BNC2: variants seen among roughly 807,000 people sequenced by gnomAD.
BNC2 encodes basonuclin zinc finger protein 2.
In BNC2, 20 loss-of-function variants were observed where a neutral mutation model predicts 76.3. That is an observed-to-expected ratio of 0.26 (90% CI 0.18 to 0.38). BNC2 has a LOEUF of 0.38. Ranked by LOEUF, BNC2 falls within the 10% of genes least tolerant of loss-of-function variation. The pLI is 1.00. For synonymous variants in BNC2, 582 were observed against 514.8 expected (o/e 1.13, Z -1.77); for missense variants, 1,382 against 1,399.8 (o/e 0.99, Z 0.20).
At chr9:16,580,934 G>A (rs1204596168) in intron 4 of BNC2, among the ~76,000 whole-genome samples, 2 of 152,144 alleles carry the variant, frequency 1.3e-5, no homozygotes, top group Admixed American at 1.3e-4. Flanking sequence ...AACATGTCAT[G>A]AGGTGACAGA....
intron 3 of BNC2, among the ~76,000 whole-genome samples, chr9:16,614,729 T>C (rs1424691504): frequency 6.6e-6 from 1 of 151,854 alleles, no homozygotes; most frequent in African/African-American, 2.4e-5. Flanking sequence ...GGAGGATCCC[T>C]TGAGCTCAGG....
At chr9:16,846,809 T>G (rs1340879254) in intron 1 of BNC2, among the ~76,000 whole-genome samples, 1 of 152,234 alleles carries the variant, frequency 6.6e-6, no homozygotes, top group African/African-American at 2.4e-5. Context: ...GCCACAATCT[T>G]TTGAAAACTT....
chr9:16,631,912 G>C (rs1042352166), intron 3 of BNC2, among the ~76,000 whole-genome samples: 1 of 152,154 alleles, frequency 6.6e-6, no homozygotes, highest in African/African-American at 2.4e-5. Context: ...AAGGACTAGG[G>C]AGAACAACAT....
chr9:16,762,513 G>C (rs1256300428), intron 1 of BNC2, among the ~76,000 whole-genome samples: 3 of 152,140 alleles, frequency 2.0e-5, no homozygotes, highest in Non-Finnish European at 2.9e-5. Context: ...TATCCAGAGA[G>C]GCACAATGAA....
At chr9:16,597,458 C>A (rs1563856186) in intron 3 of BNC2, among the ~76,000 whole-genome samples, 1 of 152,072 alleles carries the variant, frequency 6.6e-6, no homozygotes, top group Non-Finnish European at 1.5e-5. Context: ...ACAAACCCTG[C>A]AGGAATTTGC....
chr9:16,626,343 A>C (rs979842702), intron 3 of BNC2: 1 of 152,220 alleles, frequency 6.6e-6, no homozygotes, highest in African/African-American at 2.4e-5. Flanking sequence ...TTCATTAAAA[A>C]TATTAAATGC....
In BNC2 at chr9:16,726,234, T is replaced by C. The variant is rs767621150; in HGVS notation, c.330+1563A>G. Among the ~76,000 whole-genome samples, 88 of 152,276 alleles carry C rather than the reference T, an allele frequency of 5.8e-4. 1 individual carries two copies. The highest frequency in any genetic ancestry group is 8.7e-4 in the Non-Finnish European group (59 of 68,018). On this transcript the variant is annotated intron_variant, in intron 3 of 6. Transcript: ENST00000380672. ...ACTTTTCACTTGAAAGAATGGGAAA[T>C]TGCACATGAAGAGTTACTTATTGGG... is the stretch of plus-strand genomic sequence containing the variant.
intron 5 of BNC2, among the ~76,000 whole-genome samples, chr9:16,502,556 C>A (rs780220742): frequency 6.6e-5 from 10 of 151,944 alleles, no homozygotes; most frequent in African/African-American, 2.4e-4. Flanking sequence ...CTTTTTTCCC[C>A]CCCTCTTACT....
intron 3 of BNC2, among the ~76,000 whole-genome samples, chr9:16,598,552 A>G (rs1033394597): frequency 1.3e-5 from 2 of 152,178 alleles, no homozygotes; most frequent in Non-Finnish European, 1.5e-5. Flanking sequence ...GAATGAACTC[A>G]CCACTACGGG....
At chr9:16,448,679 G>A (rs746372924) in intron 5 of BNC2, among the ~76,000 whole-genome samples, 1 of 152,184 alleles carries the variant, frequency 6.6e-6, no homozygotes, top group Non-Finnish European at 1.5e-5. Flanking sequence ...ACTGAGGACT[G>A]AGTGTGTGAC....
chr9:16,437,618 C>A, intron 5 of BNC2, 94 bp from the exon 6 acceptor site: 1 of 1,415,004 alleles, frequency 7.1e-7, no homozygotes, highest in Non-Finnish European at 9.6e-7. Context: ...TCTGTGTGCT[C>A]ATAAAACACT....
chr9:16,534,473 T>G (rs936139773), intron 5 of BNC2, among the ~76,000 whole-genome samples: 7 of 152,190 alleles, frequency 4.6e-5, no homozygotes, highest in Admixed American at 4.6e-4. Flanking sequence ...TGACATAATA[T>G]AAAATTGAAA....
intron 1 of BNC2, among the ~76,000 whole-genome samples, chr9:16,839,053 C>G (rs1292773281): frequency 6.6e-6 from 1 of 152,174 alleles, no homozygotes; most frequent in Non-Finnish European, 1.5e-5. Context: ...CTTAATAATT[C>G]CTCCTTGCAG....
intron 5 of BNC2, among the ~76,000 whole-genome samples, chr9:16,539,798 G>A (rs555601901): frequency 0.01 from 1,439 of 140,582 alleles, 37 homozygotes; most frequent in African/African-American, 0.034. Context: ...GGAAAGGAAA[G>A]GAAAGGAAAG....
At chr9:16,557,624 A>T (rs556733781) in intron 4 of BNC2, among the ~76,000 whole-genome samples, 1 of 152,114 alleles carries the variant, frequency 6.6e-6, no homozygotes, top group East Asian at 1.9e-4. Context: ...AGAACATCCA[A>T]TCAGGTATTA....
chr9:16,796,601 G>C (rs949152649), intron 1 of BNC2, among the ~76,000 whole-genome samples: 2 of 149,078 alleles, frequency 1.3e-5, no homozygotes, highest in Non-Finnish European at 3.0e-5. Flanking sequence ...GGAAAGGAAG[G>C]GAAGGGAAGG....
At chr9:16,729,106 G>C (rs930302755) in intron 2 of BNC2, among the ~76,000 whole-genome samples, 3 of 151,994 alleles carry the variant, frequency 2.0e-5, no homozygotes, top group Non-Finnish European at 2.9e-5. Context: ...ATAACATGTC[G>C]TATTTTTAAT....
chr9:16,523,857 C>G (rs193252478), intron 5 of BNC2, among the ~76,000 whole-genome samples: 1 of 152,172 alleles, frequency 6.6e-6, no homozygotes, highest in African/African-American at 2.4e-5. Context: ...ACCCAGGAGG[C>G]AGAGATTGCA....
chr9:16,609,072 T>G (rs1039556200), intron 3 of BNC2, among the ~76,000 whole-genome samples: 1 of 152,078 alleles, frequency 6.6e-6, no homozygotes, highest in Non-Finnish European at 1.5e-5. Flanking sequence ...CATGGGCTGT[T>G]TGAATGAAAG....
Sources: allele counts gnomAD v4.1 joint callset (sites outside exome capture counted in the v4.1 genomes callset), GRCh38; gene constraint gnomAD v4.1.1; transcripts MANE v1.5; gene names NCBI Gene and HGNC (gene_info 2026-07-23, HGNC 2026-07-21).